The following DAB1 variants were observed in gnomAD, a reference collection of about 807,000 sequenced individuals.
DAB1 encodes DAB adaptor protein 1.
A neutral mutation model predicts 64.6 loss-of-function variants in DAB1; 15 were observed. The observed-to-expected ratio is 0.23, with a 90% CI of 0.16 to 0.36. The LOEUF (loss-of-function observed/expected upper bound fraction) is 0.36. Among genes scored for constraint, DAB1 ranks in the 10% least tolerant of loss-of-function variants. The probability of loss-of-function intolerance (pLI) is 1.00; values close to 1 mark genes in which losing one functional copy is unlikely to be tolerated. For synonymous variants in DAB1, 235 were observed against 251.9 expected (o/e 0.93, Z 0.64); for missense variants, 596 against 706.7 (o/e 0.84, Z 1.78).
Position 57,458,555 on chromosome 1 carries a change from C to T in DAB1, n.626-167389G>A, listed in dbSNP as rs77732821. 4.2e-3 allele frequency among the ~76,000 whole-genome samples: 638 copies of T among 151,814 alleles called. 2 individuals carry two copies. The highest frequency in any genetic ancestry group is 0.015 in the African/African-American group (611 of 41,436). On this transcript the variant is annotated intron_variant and non_coding_transcript_variant, in intron 7 of 20. Coordinates refer to the DAB1 transcript ENST00000485760. ...AAATATAAAGCTCAGAAATAAGAAGCTTTGGTTTAAAACAAAAGGTATTTA... is the reference window on the plus strand; with the variant it reads ...AAATATAAAGCTCAGAAATAAGAAGTTTTGGTTTAAAACAAAAGGTATTTA...
chr1:57,125,226 C>T (rs1050381962), intron 4 of DAB1, among the ~76,000 whole-genome samples: 4 of 152,152 alleles, frequency 2.6e-5, no homozygotes, highest in African/African-American at 9.7e-5. Context: ...TTTGGAGGCG[C>T]AGACCCCATA....
At chr1:57,393,963 T>C (rs893034586) in intron 1 of DAB1, among the ~76,000 whole-genome samples, 2 of 152,154 alleles carry the variant, frequency 1.3e-5, no homozygotes, top group Non-Finnish European at 2.9e-5. Context: ...TAGATCTACA[T>C]GTGTATCTAT....
chr1:58,111,154 G>A (rs1651944805), intron 5 of DAB1, among the ~76,000 whole-genome samples: 1 of 152,154 alleles, frequency 6.6e-6, no homozygotes, highest in African/African-American at 2.4e-5. Flanking sequence ...TGGCACCCTA[G>A]CGTAGGAGAA....
At chr1:57,886,679 G>C (rs1193893188), upstream of DAB1, among the ~76,000 whole-genome samples, 1 of 152,150 alleles carries the variant, frequency 6.6e-6, no homozygotes, top group Non-Finnish European at 1.5e-5. Context: ...GCTGGACTAA[G>C]GGATCTAAAG....
chr1:57,024,148 A>G (rs1646709601), intron 10 of DAB1, among the ~76,000 whole-genome samples: 1 of 152,160 alleles, frequency 6.6e-6, no homozygotes, highest in South Asian at 2.1e-4. Context: ...CAAGTGGTGC[A>G]CAGACCCTTG....
chr1:58,426,317 AGG>A (rs1286237963), intron 3 of DAB1, among the ~76,000 whole-genome samples: 1 of 152,168 alleles, frequency 6.6e-6, no homozygotes, highest in Non-Finnish European at 1.5e-5. Flanking sequence ...GGATTTAGAC[AGG>A]GGACTTCAGG....
chr1:58,421,423 G>A (rs1644770893), intron 3 of DAB1, among the ~76,000 whole-genome samples: 1 of 152,186 alleles, frequency 6.6e-6, no homozygotes, highest in African/African-American at 2.4e-5. Flanking sequence ...GCAGAAGGGA[G>A]ACTGAACACA....
chr1:57,953,917 G>A (rs1645331193), intron 5 of DAB1, among the ~76,000 whole-genome samples: 1 of 152,032 alleles, frequency 6.6e-6, no homozygotes, highest in South Asian at 2.1e-4. Context: ...GACATAACTG[G>A]CTGCCCACTG....
intron 5 of DAB1, among the ~76,000 whole-genome samples, chr1:57,936,392 T>C (rs1645025037): frequency 6.6e-6 from 1 of 152,182 alleles, no homozygotes; most frequent in Non-Finnish European, 1.5e-5. Context: ...TTGTAATCCA[T>C]ATTACTTTTT....
chr1:58,480,867 CTTTT>C (rs67922378), intron 3 of DAB1: 4 of 610,634 alleles, frequency 6.6e-6, no homozygotes, highest in Non-Finnish European at 8.2e-6. Context: ...CCTGAATATC[CTTTT>C]TTTTTTCACT....
At chr1:57,093,947 T>C (rs911643542) in intron 4 of DAB1, among the ~76,000 whole-genome samples, 4 of 151,934 alleles carry the variant, frequency 2.6e-5, no homozygotes, top group African/African-American at 9.7e-5. Context: ...AACCCCTTTC[T>C]ACTAAAAATA....
intron 4 of DAB1, among the ~76,000 whole-genome samples, chr1:58,230,317 G>A (rs1014944865): frequency 1.4e-4 from 22 of 152,174 alleles, no homozygotes; most frequent in Non-Finnish European, 7.3e-5. Flanking sequence ...AAAATGGTGA[G>A]AAGACTTTAA....
At chr1:57,951,663 T>C (rs145543478) in intron 5 of DAB1, among the ~76,000 whole-genome samples, 78 of 152,184 alleles carry the variant, frequency 5.1e-4, no homozygotes, top group African/African-American at 1.8e-3. Flanking sequence ...ATTACAATGA[T>C]AGATTGAGGT....
intron 5 of DAB1, among the ~76,000 whole-genome samples, chr1:57,949,213 C>G (rs1645229889): frequency 6.6e-6 from 1 of 152,150 alleles, no homozygotes; most frequent in Non-Finnish European, 1.5e-5. Flanking sequence ...CACCTCAGAT[C>G]ATCAGGCATT....
At chr1:57,850,817 C>A (rs780971693) in intron 1 of DAB1, among the ~76,000 whole-genome samples, 1 of 152,148 alleles carries the variant, frequency 6.6e-6, no homozygotes, top group Non-Finnish European at 1.5e-5. Context: ...AACAGCTGTG[C>A]GTGACTTGAA....
intron 4 of DAB1, among the ~76,000 whole-genome samples, chr1:58,263,192 G>T (rs1384775515): frequency 6.6e-6 from 1 of 152,116 alleles, no homozygotes; most frequent in Non-Finnish European, 1.5e-5. Flanking sequence ...TTTACTTTTT[G>T]GGAGCTGTAA....
At chr1:57,525,099 G>A (rs1326697807) in intron 7 of DAB1, among the ~76,000 whole-genome samples, 1 of 152,210 alleles carries the variant, frequency 6.6e-6, no homozygotes, top group Admixed American at 6.5e-5. Context: ...ATCAAAAATT[G>A]TACCTCCTGC....
intron 3 of DAB1, among the ~76,000 whole-genome samples, chr1:58,502,655 T>C (rs939728599): frequency 3.9e-5 from 6 of 152,226 alleles, no homozygotes; most frequent in African/African-American, 7.2e-5. Context: ...CATAATTCTA[T>C]ATACTGCCTG....
chr1:57,799,585 TGG>T (rs10718934), intron 6 of DAB1, among the ~76,000 whole-genome samples: 1 of 146,580 alleles, frequency 6.8e-6, no homozygotes, highest in Non-Finnish European at 1.5e-5. Flanking sequence ...AAAAAAGATC[TGG>T]GGGGGGCTTT....
Sources: gnomAD v4.1 joint callset for allele counts (sites outside exome capture counted in the v4.1 genomes callset) on GRCh38, gnomAD v4.1.1 for gene constraint, MANE v1.5 for transcripts, NCBI Gene and HGNC (gene_info 2026-07-23, HGNC 2026-07-21) for gene names.